Variants in DLC1 observed in about 807,000 individuals in gnomAD.
DLC1 encodes rho GTPase-activating protein 7.
In DLC1, 54 loss-of-function variants were observed where a neutral mutation model predicts 140.3. The ratio of observed to expected loss-of-function variants is 0.38; its 90% CI spans 0.31 to 0.48. DLC1 has a LOEUF of 0.48. Among genes scored for constraint, DLC1 ranks in the 20% least tolerant of loss-of-function variants. The pLI is 0.96. For synonymous variants in DLC1, 986 were observed against 728.1 expected, an observed-to-expected ratio of 1.35 and a Z score of -5.70; for missense variants, 2,536 against 1,907.0, an observed-to-expected ratio of 1.33 and a Z score of -6.14.
intron 5 of DLC1, among the ~76,000 whole-genome samples, chr8:13,185,700 T>C (rs942656673): frequency 9.2e-5 from 14 of 152,172 alleles, no homozygotes; most frequent in Admixed American, 8.5e-4. Flanking sequence ...TGATGTTCAT[T>C]GGTTATTTTG....
rs549932129 is a variant in DLC1 at position 13,375,900 on chromosome 8, C to G, written c.1314+17653G>C. Among the ~76,000 whole-genome samples, 100 of 152,192 alleles carry G rather than the reference C, an allele frequency of 6.6e-4. 1 individual carries two copies. Among genetic ancestry groups the G allele is most frequent in the Admixed American group, 2.9e-3 (44 of 15,276 alleles). On this transcript the variant is annotated intron_variant, in intron 4 of 17. Coordinates refer to ENST00000276297, the MANE Select transcript of DLC1 (RefSeq NM_182643.3). Reference sequence around the variant, plus strand: ...ATACAGGAGGAAAAAATGTATATCTCTCTATATAGTCAACATCGGCTACAA... The same window carrying G: ...ATACAGGAGGAAAAAATGTATATCTGTCTATATAGTCAACATCGGCTACAA...
intron 5 of DLC1, among the ~76,000 whole-genome samples, chr8:13,132,687 C>G (rs1822211980): frequency 6.6e-6 from 1 of 152,202 alleles, no homozygotes; most frequent in Non-Finnish European, 1.5e-5. Context: ...CCGGAGCCCG[C>G]CTGGTGCGCT....
At chr8:13,148,523 A>G (rs1448428236) in intron 5 of DLC1, among the ~76,000 whole-genome samples, 1 of 152,156 alleles carries the variant, frequency 6.6e-6, no homozygotes, top group Non-Finnish European at 1.5e-5. Context: ...TTTCGTGGCC[A>G]CTAACAGCTA....
chr8:13,560,732 G>C (rs1375822980), intron 1 of DLC1, among the ~76,000 whole-genome samples: 1 of 152,130 alleles, frequency 6.6e-6, no homozygotes, highest in Non-Finnish European at 1.5e-5. Context: ...GAAGCCATTT[G>C]AATAGGTGTT....
intron 4 of DLC1, among the ~76,000 whole-genome samples, chr8:13,359,247 T>A (rs1202460984): frequency 1.3e-5 from 2 of 152,170 alleles, no homozygotes; most frequent in Non-Finnish European, 2.9e-5. Context: ...CTACAAACTT[T>A]TTTTTCTAAG....
intron 5 of DLC1, among the ~76,000 whole-genome samples, chr8:13,205,602 C>T (rs542951521): frequency 1.3e-5 from 2 of 152,048 alleles, no homozygotes; most frequent in Admixed American, 6.5e-5. Flanking sequence ...CTAATGATAG[C>T]TGATGAGCTA....
intron 2 of DLC1, among the ~76,000 whole-genome samples, chr8:13,429,989 A>G (rs1838783677): frequency 6.6e-6 from 1 of 152,226 alleles, no homozygotes. Context: ...CCATGACTAA[A>G]CATTAGATTC....
At chr8:13,219,307 AAT>A (rs1347669204) in intron 5 of DLC1, among the ~76,000 whole-genome samples, 3 of 141,700 alleles carry the variant, frequency 2.1e-5, no homozygotes, top group Non-Finnish European at 4.5e-5. Context: ...TATATTCTTA[AAT>A]ATGAATAGTT....
At chr8:13,116,222 A>C in intron 5 of DLC1, 1 of 985,490 alleles carries the variant, frequency 1.0e-6, no homozygotes. Flanking sequence ...GCTGTCAAGG[A>C]ACATGGAGGG....
chr8:13,445,963 G>T (rs1798755506), intron 2 of DLC1, among the ~76,000 whole-genome samples: 1 of 152,140 alleles, frequency 6.6e-6, no homozygotes, highest in Non-Finnish European at 1.5e-5. Flanking sequence ...AAAGGGGCAA[G>T]GGAATGGTTT....
At chr8:13,144,754 T>G (rs922808340) in intron 5 of DLC1, among the ~76,000 whole-genome samples, 2 of 152,164 alleles carry the variant, frequency 1.3e-5, no homozygotes, top group Non-Finnish European at 2.9e-5. Flanking sequence ...AACAGAGCGA[T>G]ACTCTGCCTC....
chr8:13,434,051 CT>C (rs1051167638), intron 2 of DLC1, among the ~76,000 whole-genome samples: 56 of 152,118 alleles, frequency 3.7e-4, no homozygotes, highest in African/African-American at 1.3e-3. Context: ...TGTTTTTGGT[CT>C]TTTTAATTGA....
At position 13,099,486 on chromosome 8, in the gene DLC1, G is replaced by A. The variant is rs147130694; in HGVS notation, c.2851C>T (p.His951Tyr). The A allele has an allele frequency of 7.8e-5, 126 of 1,613,984 alleles. No homozygotes were observed. The Middle Eastern group carries it at 1.2e-3, about 15-fold the overall frequency. The stretch of plus-strand genomic sequence containing the variant: ...GTTCGGTCGTTGTCCACATCCAGGT[G>A]TATCTGTTTTGGAGAGGACGGGCAG... ...SPCPSSPKQI[H>Y]LDVDNDRTTP... Residue 951 changes from histidine to tyrosine, a missense_variant, in exon 9 of 18, where the codon CAC becomes TAC. Transcript: ENST00000276297.
At chr8:13,245,873 T>A (rs1033022590) in intron 5 of DLC1, among the ~76,000 whole-genome samples, 1 of 152,084 alleles carries the variant, frequency 6.6e-6, no homozygotes, top group East Asian at 1.9e-4. Context: ...GCTAATTTTT[T>A]GTATTTTTAG....
chr8:13,265,873 G>C (rs1436797031), intron 5 of DLC1, among the ~76,000 whole-genome samples: 2 of 152,244 alleles, frequency 1.3e-5, no homozygotes, highest in African/African-American at 4.8e-5. Context: ...CAGGGTGGTT[G>C]GTCACAGAAT....
At chr8:13,515,751 A>C (rs186946238), upstream of DLC1, 7 of 152,322 alleles carry the variant, frequency 4.6e-5, no homozygotes, top group Admixed American at 3.3e-4. Flanking sequence ...GTTTTGATTA[A>C]AACCAGACAG....
intron 5 of DLC1, among the ~76,000 whole-genome samples, chr8:13,241,801 C>T (rs1829555769): frequency 1.3e-5 from 2 of 152,130 alleles, no homozygotes; most frequent in Admixed American, 1.3e-4. Flanking sequence ...CACTATCTTT[C>T]AGGGGCCAAT....
At chr8:13,177,682 T>G (rs1825824651) in intron 5 of DLC1, among the ~76,000 whole-genome samples, 1 of 152,220 alleles carries the variant, frequency 6.6e-6, no homozygotes, top group South Asian at 2.1e-4. Context: ...TGCCTATATT[T>G]CTATTCATTT....
chr8:13,284,126 C>T (rs968832539), intron 5 of DLC1, among the ~76,000 whole-genome samples: 8 of 152,130 alleles, frequency 5.3e-5, no homozygotes, highest in Admixed American at 1.3e-4. Context: ...TCAGGAAATA[C>T]GGAGCATTAG....
Sources: gnomAD v4.1 joint callset for allele counts (sites outside exome capture counted in the v4.1 genomes callset) on GRCh38, gnomAD v4.1.1 for gene constraint, MANE v1.5 for transcripts, NCBI Gene and HGNC (gene_info 2026-07-23, HGNC 2026-07-21) for gene names.